Variants in NBAS observed in about 807,000 individuals in gnomAD.
NBAS encodes the protein NBAS subunit of NRZ tethering complex.
A neutral mutation model predicts 302.5 loss-of-function variants in NBAS; 219 were observed. The observed-to-expected ratio is 0.72, with a 90% confidence interval of 0.65 to 0.81. The LOEUF (loss-of-function observed/expected upper bound fraction) is 0.81, where lower values mean the gene tolerates loss of function less well. Among genes scored for constraint, NBAS ranks in the 30% least tolerant of loss-of-function variants. NBAS has a pLI of 0.00. For missense variants in NBAS, 2,932 were observed against 2,841.6 expected (o/e 1.03, Z -0.72); for synonymous variants, 1,118 against 1,021.6 (o/e 1.09, Z -1.80).
intron 47 of NBAS, among the ~76,000 whole-genome samples, chr2:15,219,344 A>G (rs1022922366): frequency 4.0e-4 from 31 of 77,218 alleles, no homozygotes; most frequent in African/African-American, 1.6e-3. Flanking sequence ...TTTTTTTTTT[A>G]TTGATCATTC....
chr2:15,013,337 A>G, the NBAS span, among the ~76,000 whole-genome samples: 2 of 152,218 alleles, frequency 1.3e-5, no homozygotes, highest in Non-Finnish European at 2.9e-5. Flanking sequence ...ACTATAGAAA[A>G]CCATCCAACC....
intron 12 of NBAS, among the ~76,000 whole-genome samples, chr2:15,485,779 T>C (rs1051876393): frequency 1.3e-5 from 2 of 151,916 alleles, no homozygotes; most frequent in Non-Finnish European, 2.9e-5. Flanking sequence ...ACGGCAGAAA[T>C]GGTTACATGA....
At chr2:15,292,115 C>T (rs778855228) in intron 41 of NBAS, among the ~76,000 whole-genome samples, 81 of 152,248 alleles carry the variant, frequency 5.3e-4, no homozygotes, top group Admixed American at 5.2e-4. Flanking sequence ...GCTGGGATTA[C>T]AGGCATATGC....
chr2:14,873,586 A>C, the NBAS span, among the ~76,000 whole-genome samples: 4 of 151,962 alleles, frequency 2.6e-5, no homozygotes, highest in African/African-American at 9.7e-5. Context: ...ATTTTAATAC[A>C]TTTATAAGGA....
the NBAS span, among the ~76,000 whole-genome samples, chr2:15,092,715 G>A: frequency 6.6e-6 from 1 of 152,132 alleles, no homozygotes; most frequent in Non-Finnish European, 1.5e-5. Flanking sequence ...TAATTAGTCC[G>A]AACTAAAAAC....
chr2:14,987,943 T>A, the NBAS span, among the ~76,000 whole-genome samples: 6,891 of 152,266 alleles, frequency 0.045, 392 homozygotes, highest in African/African-American at 0.11. Context: ...TTTCCAAGCC[T>A]CTTCTCCCTT....
intron 21 of NBAS, among the ~76,000 whole-genome samples, chr2:15,440,740 A>C (rs1678344305): frequency 6.6e-6 from 1 of 152,216 alleles, no homozygotes; most frequent in Admixed American, 6.5e-5. Context: ...CCAAAGGCAA[A>C]GAATTTGAAA....
At chr2:14,795,401 A>G in the NBAS span, among the ~76,000 whole-genome samples, 1 of 151,936 alleles carries the variant, frequency 6.6e-6, no homozygotes, top group Non-Finnish European at 1.5e-5. Flanking sequence ...TTCTTTGGTG[A>G]AATGTCTATT....
At chr2:15,280,020 T>C (rs1669754963) in intron 42 of NBAS, among the ~76,000 whole-genome samples, 1 of 152,190 alleles carries the variant, frequency 6.6e-6, no homozygotes. Flanking sequence ...TGATTTTTCC[T>C]GAACCAAGTT....
the NBAS span, among the ~76,000 whole-genome samples, chr2:15,024,874 G>T: frequency 1.3e-5 from 2 of 152,146 alleles, no homozygotes; most frequent in African/African-American, 4.8e-5. Flanking sequence ...AACTTAATCA[G>T]ATGTACAGTT....
At chr2:14,840,670 G>T in the NBAS span, among the ~76,000 whole-genome samples, 20 of 152,024 alleles carry the variant, frequency 1.3e-4, no homozygotes, top group Middle Eastern at 3.4e-3. Flanking sequence ...CAAAAATATT[G>T]TATCTAGCAT....
At chr2:14,903,672 T>C in the NBAS span, among the ~76,000 whole-genome samples, 1 of 152,216 alleles carries the variant, frequency 6.6e-6, no homozygotes, top group Non-Finnish European at 1.5e-5. Flanking sequence ...AGGAAAACTT[T>C]CACGTTAGTA....
chr2:15,542,645 A>G (rs953423185), intron 6 of NBAS, among the ~76,000 whole-genome samples: 1 of 151,304 alleles, frequency 6.6e-6, no homozygotes, highest in African/African-American at 2.4e-5. Context: ...ATAAATAAAT[A>G]AGATAAAAAA....
chr2:15,467,183 ATATAAGAGAACTTGCTTC>A, intron 19 of NBAS, 128 bp downstream of exon 19: 1 of 652,758 alleles, frequency 1.5e-6, no homozygotes, highest in South Asian at 1.9e-5. Flanking sequence ...CAAAACTAGT[ATATAAGAGAACTTGCTTC>A]TATAAGAAAT....
intron 38 of NBAS, among the ~76,000 whole-genome samples, chr2:15,313,551 A>AT (rs1671372661): frequency 6.6e-6 from 1 of 152,244 alleles, no homozygotes; most frequent in South Asian, 2.1e-4. Flanking sequence ...CAAACAATTA[A>AT]TATATGCCAT....
Position 15,167,009 on chromosome 2 carries a change from G to A in NBAS, c.*39C>T. 4 of 1,509,826 alleles carry A rather than the reference G, an allele frequency of 2.6e-6. No homozygotes were observed. Among genetic ancestry groups the A allele is most frequent in the Non-Finnish European group, 3.5e-6 (4 of 1,129,034 alleles). 93.5% of individuals were successfully genotyped at this position (1,509,826 alleles called of 1,614,324 possible). On this transcript the variant is annotated 3_prime_UTR_variant, in exon 52 of 52. Coordinates refer to ENST00000281513, the MANE Select transcript of NBAS (RefSeq NM_015909.4). Reference sequence around the variant, plus strand: ...CTTCTGGGAACAGCATTCAACTCCAGATGCTTTTTCTGCTAAGGAGCAGGG... The same window carrying A: ...CTTCTGGGAACAGCATTCAACTCCAAATGCTTTTTCTGCTAAGGAGCAGGG...
the NBAS span, among the ~76,000 whole-genome samples, chr2:15,160,361 C>T: frequency 3.3e-5 from 5 of 152,068 alleles, no homozygotes; most frequent in Non-Finnish European, 7.4e-5. Context: ...GAGAGAGAGG[C>T]TCAAAGATGC....
chr2:15,424,571 A>T (rs1677374212), intron 22 of NBAS, 103 bp from the exon 23 acceptor site: 1 of 1,316,910 alleles, frequency 7.6e-7, no homozygotes, highest in Non-Finnish European at 1.1e-6. Flanking sequence ...AAAGTAAGAG[A>T]CAGGGAGCAT....
At chr2:15,437,419 A>G (rs1313831373) in intron 21 of NBAS, among the ~76,000 whole-genome samples, 2 of 152,200 alleles carry the variant, frequency 1.3e-5, no homozygotes, top group Non-Finnish European at 2.9e-5. Context: ...AGTCTATGTG[A>G]GCCTTTTACA....
Sources: gnomAD v4.1 joint callset for allele counts (sites outside exome capture counted in the v4.1 genomes callset) on GRCh38, gnomAD v4.1.1 for gene constraint, MANE v1.5 for transcripts, NCBI Gene and HGNC (gene_info 2026-07-23, HGNC 2026-07-21) for gene names.